The following AIF1L variants were observed in gnomAD, a reference collection of about 807,000 sequenced individuals.
The protein encoded by AIF1L is allograft inflammatory factor 1-like.
A neutral mutation model predicts 20.7 loss-of-function variants in AIF1L; 12 were observed. The ratio of observed to expected loss-of-function variants is 0.58; its 90% CI spans 0.37 to 0.94. AIF1L has a LOEUF of 0.94. Ranked by LOEUF, AIF1L falls within the 40% of genes least tolerant of loss-of-function variation. AIF1L has a pLI of 0.01. For synonymous variants in AIF1L, 76 were observed against 65.1 expected, an observed-to-expected ratio of 1.17 and a Z score of -0.81; for missense variants, 173 against 185.3, an observed-to-expected ratio of 0.93 and a Z score of 0.39.
chr9:131,111,579 G>C lies in AIF1L; in HGVS notation c.94-18G>C. On this transcript the variant is annotated intron_variant, in intron 2 of 5. Coordinates refer to ENST00000247291, the MANE Select transcript of AIF1L (RefSeq NM_031426.4). ...TGTCCCCAGTCCCTTGCTCAGCACT[G>C]TCCTCTCACCTCTGTAGGAGTTTCT... 1 of 1,611,938 alleles carries C rather than the reference G, an allele frequency of 6.2e-7. No individual in the cohort carries two copies. The highest frequency in any genetic ancestry group is 8.5e-7 in the Non-Finnish European group (1 of 1,178,260).
At chr9:131,111,842 C>T (rs1830895290) in intron 3 of AIF1L, 179 bp downstream of exon 3, 4 of 585,860 alleles carry the variant, frequency 6.8e-6, no homozygotes, top group Admixed American at 7.0e-5. Flanking sequence ...GGAGAGGCCC[C>T]TCCACCTGCC....
At chr9:131,106,433 T>C (rs899855786) in intron 2 of AIF1L, among the ~76,000 whole-genome samples, 5 of 152,168 alleles carry the variant, frequency 3.3e-5, no homozygotes, top group African/African-American at 4.8e-5. Flanking sequence ...CCTAAGGAGC[T>C]GGATAAGGGC....
rs34166734 is a variant in AIF1L at position 131,117,904 on chromosome 9, G to C, written c.351G>C (p.Ser117=). 1 of 1,611,128 alleles carries C rather than the reference G, an allele frequency of 6.2e-7. No homozygotes were observed. The highest frequency in any genetic ancestry group is 1.3e-5 in the African/African-American group (1 of 74,744). Residue 117 remains serine, a synonymous_variant, in exon 5 of 6, where the codon TCG becomes TCC. Transcript: ENST00000247291. The part of the protein sequence containing the change: ...DFVNMMLGKR[S]AVLKLVMMFE... ...TGAACATGATGCTGGGGAAACGGTC[G>C]GCTGTCCTCAAGTTGTGAGTACCTC...
chr9:131,119,499 C>T (rs1016006278), intron 5 of AIF1L, among the ~76,000 whole-genome samples: 2 of 71,754 alleles, frequency 2.8e-5, no homozygotes, highest in African/African-American at 9.1e-5. Context: ...AAAACTCTGT[C>T]TCAAAAGAAA....
At chr9:131,120,176 A>G in intron 5 of AIF1L, 59 bp from the exon 6 acceptor site, 1 of 1,515,992 alleles carries the variant, frequency 6.6e-7, no homozygotes, top group Non-Finnish European at 9.1e-7. Flanking sequence ...TCCCTGGATG[A>G]GGGAAGGATC....
chr9:131,104,897 CAAA>C (rs5900921), intron 2 of AIF1L, among the ~76,000 whole-genome samples: 1 of 112,652 alleles, frequency 8.9e-6, no homozygotes. Flanking sequence ...GACTCTGTCT[CAAA>C]AAAAAAAAAA....
intron 2 of AIF1L, among the ~76,000 whole-genome samples, chr9:131,110,887 C>T (rs1241291059): frequency 1.3e-5 from 2 of 151,646 alleles, no homozygotes; most frequent in South Asian, 2.1e-4. Flanking sequence ...GAGGGCCGGG[C>T]GCGGTGGCTC....
Position 131,121,821 on chromosome 9 carries a change from C to A in AIF1L, c.*1499C>A, listed in dbSNP as rs1831144376. On this transcript the variant is annotated 3_prime_UTR_variant, in exon 6 of 6. Transcript: ENST00000247291. ...AAAGACCAGGCCTCTGAAGCTGCCT[C>A]TTGTAATTCATGCAGGAAGATGTCA... 6.6e-6 allele frequency: 1 copy of A among 152,298 alleles called. No homozygotes were observed. Among genetic ancestry groups the A allele is most frequent in the East Asian group, 1.9e-4 (1 of 5,200 alleles). 9.4% of individuals were successfully genotyped at this position (152,298 alleles called of 1,614,324 possible). A position where few individuals can be genotyped will look rare whatever the true frequency, so the allele number is the denominator to read the frequency against.
chr9:131,107,018 G>A (rs1177808103), intron 2 of AIF1L, among the ~76,000 whole-genome samples: 1 of 152,100 alleles, frequency 6.6e-6, no homozygotes, highest in Non-Finnish European at 1.5e-5. Context: ...GCTTGAACTC[G>A]GGAGGGGGAA....
chr9:131,111,494 A>C (rs1588185217), intron 2 of AIF1L, 103 bp from the exon 3 acceptor site: 2 of 1,054,492 alleles, frequency 1.9e-6, no homozygotes, highest in East Asian at 2.4e-5. Context: ...GTCTGGTCGC[A>C]CCTGGTTACC....
chr9:131,119,078 T>G (rs1020145941), intron 5 of AIF1L, among the ~76,000 whole-genome samples: 1 of 152,256 alleles, frequency 6.6e-6, no homozygotes, highest in African/African-American at 2.4e-5. Context: ...AAATGACACT[T>G]ATGAAGATTT....
At chr9:131,109,463 G>A (rs1418783923) in intron 2 of AIF1L, among the ~76,000 whole-genome samples, 1 of 152,176 alleles carries the variant, frequency 6.6e-6, no homozygotes, top group South Asian at 2.1e-4. Flanking sequence ...GGAGGCTGAG[G>A]CACAAGAATC....
intron 5 of AIF1L, among the ~76,000 whole-genome samples, chr9:131,119,279 T>C (rs1831081769): frequency 6.6e-6 from 1 of 152,158 alleles, no homozygotes; most frequent in East Asian, 1.9e-4. Context: ...GGCCGGTGGA[T>C]CACCTGAGGT....
intron 2 of AIF1L, among the ~76,000 whole-genome samples, chr9:131,103,688 G>A (rs924763262): frequency 2.0e-5 from 3 of 152,298 alleles, no homozygotes; most frequent in African/African-American, 7.2e-5. Context: ...CAGCAACTCA[G>A]TGAGGAGGTT....
chr9:131,123,144 AC>A (rs1266903636), downstream of AIF1L: 2 of 152,406 alleles, frequency 1.3e-5, no homozygotes. Flanking sequence ...AGACAAACTT[AC>A]CAACGTCTTG....
intron 4 of AIF1L, 85 bp from the exon 5 acceptor site, chr9:131,117,671 G>A (rs767080191): frequency 6.8e-5 from 97 of 1,427,090 alleles, no homozygotes; most frequent in Middle Eastern, 2.6e-4. Flanking sequence ...TCTAGGCGTG[G>A]GGTGCCTGAG....
intron 3 of AIF1L, 53 bp from the exon 4 acceptor site, chr9:131,114,524 A>G (rs2133399302): frequency 6.2e-7 from 1 of 1,605,524 alleles, no homozygotes; most frequent in Non-Finnish European, 8.5e-7. Flanking sequence ...CTGGGTCCCC[A>G]CAGGGAGACG....
intron 1 of AIF1L, 28 bp from the exon 2 acceptor site, chr9:131,096,774 T>C: frequency 6.6e-7 from 1 of 1,517,896 alleles, no homozygotes. Flanking sequence ...GGACCCCGCT[T>C]CCCAGGCCGC....
intron 2 of AIF1L, among the ~76,000 whole-genome samples, chr9:131,098,605 CA>C (rs1196282804): frequency 6.6e-6 from 1 of 150,962 alleles, no homozygotes; most frequent in Non-Finnish European, 1.5e-5. Context: ...AGGGCGGGGC[CA>C]ACCTAGCCCT....
Sources: gnomAD v4.1 joint callset for allele counts (sites outside exome capture counted in the v4.1 genomes callset) on GRCh38, gnomAD v4.1.1 for gene constraint, MANE v1.5 for transcripts, NCBI Gene and HGNC (gene_info 2026-07-23, HGNC 2026-07-21) for gene names.